OTUD1: variants seen among roughly 807,000 people sequenced by gnomAD.
The protein encoded by OTUD1 is OTU domain-containing protein 1.
A neutral mutation model predicts 30.0 loss-of-function variants in OTUD1; 15 were observed. The ratio of observed to expected loss-of-function variants is 0.50; its 90% CI spans 0.33 to 0.77. The LOEUF is 0.77. OTUD1 is among the 30% of genes least tolerant of loss of function. The pLI, the probability that OTUD1 is intolerant of heterozygous loss-of-function variation, is 0.02. For missense variants in OTUD1, 796 were observed against 697.8 expected (o/e 1.14, Z -1.59); for synonymous variants, 381 against 326.3 (o/e 1.17, Z -1.81).
Position 23,439,719 on chromosome 10 carries a change from CCCGCCT to C in OTUD1, c.268_273del (p.Ser90_Ala91del). ...CGAGGTGGTGTCCGGGGCCGCCGCG[CCCGCCT>C]CCGCCGCCGCCGGCCCGCCCGGCGC... On this transcript the variant is annotated inframe_deletion, in exon 1 of 1. Coordinates refer to ENST00000376495, the MANE Select transcript of OTUD1 (RefSeq NM_001145373.3). 8.5e-7 allele frequency: 1 copy of C among 1,182,372 alleles called. No homozygotes were observed. The highest frequency in any genetic ancestry group is 1.0e-6 in the Non-Finnish European group (1 of 960,018). The allele number at this position is 1,182,372 out of a possible 1,614,324, so 73.2% of individuals were successfully genotyped here.
At position 23,440,776 on chromosome 10, in the gene OTUD1, A is replaced by G. The variant is rs1228911232; in HGVS notation, c.1319A>G (p.Tyr440Cys). 11 of 1,552,062 alleles carry G rather than the reference A, an allele frequency of 7.1e-6. No individual in the cohort carries two copies. The highest frequency in any genetic ancestry group is 2.0e-5 in the Admixed American group (1 of 50,988). Reference sequence around the variant, plus strand: ...TATGATGCTGTATTTGATCACTCCTATCCTAACCCAGAGTACGACAACTGG... The same window carrying G: ...TATGATGCTGTATTTGATCACTCCTGTCCTAACCCAGAGTACGACAACTGG... ...GHYDAVFDHS[Y>C]PNPEYDNWCK... The change falls in exon 1 of 1, where the codon TAT becomes TGT. Residue 440 changes from tyrosine (Y) to cysteine (C), a missense_variant. Transcript: ENST00000376495.
rs574277402 is a variant in OTUD1, at chr10:23,442,317, A to T, written c.*1414A>T. 6.6e-5 allele frequency: 11 copies of T among 167,202 alleles called. No individual in the cohort carries two copies. The East Asian group carries it at 1.7e-3, about 26-fold the overall frequency. The allele number at this position is 167,202 out of a possible 1,614,324, so 10.4% of individuals were successfully genotyped here. A position where few individuals can be genotyped will look rare whatever the true frequency, so the allele number is the denominator to read the frequency against. On this transcript the variant is annotated 3_prime_UTR_variant, in exon 1 of 1. Coordinates refer to ENST00000376495, the MANE Select transcript of OTUD1 (RefSeq NM_001145373.3). ...TTTCCTAAATTATCACATGAAGAGGATAGGCTAATCATGAGTAATTTCAAA... is the reference window on the plus strand; with the variant it reads ...TTTCCTAAATTATCACATGAAGAGGTTAGGCTAATCATGAGTAATTTCAAA...
Position 23,440,766 on chromosome 10 carries a change from G to C in OTUD1, c.1309G>C (p.Asp437His), listed in dbSNP as rs1847118892. ...LSNGHYDAVF[D>H]HSYPNPEYDN... is the part of the protein sequence containing the mutation. ...TAACGGACACTATGATGCTGTATTT[G>C]ATCACTCCTATCCTAACCCAGAGTA... is the stretch of plus-strand genomic sequence containing the variant. The change falls in exon 1 of 1, where the codon GAT (aspartate) becomes CAT (histidine). Residue 437 changes from aspartate (D) to histidine (H), a missense_variant. Coordinates refer to ENST00000376495, the MANE Select transcript of OTUD1 (RefSeq NM_001145373.3). 6.4e-7 allele frequency: 1 copy of C among 1,552,004 alleles called. No homozygotes were observed. The highest frequency in any genetic ancestry group is 2.0e-5 in the Admixed American group (1 of 50,980).
In OTUD1 at chr10:23,439,834, T is replaced by C; in HGVS notation, c.377T>C (p.Leu126Pro). Residue 126 changes from leucine (L) to proline (P), a missense_variant, in exon 1 of 1, where the codon CTG (leucine) becomes CCG (proline). Transcript: ENST00000376495. ...GCCCTGGGCGCCGACAGGCTCCTGC[T>C]GCACGGGCCCGATCCCGTTCCCGGC... Reference protein sequence around the residue: ...VRALGADRLLLHGPDPVPGAA... With the variant: ...VRALGADRLLPHGPDPVPGAA... 1 of 1,120,314 alleles carries C rather than the reference T, an allele frequency of 8.9e-7. No individual in the cohort carries two copies. Among genetic ancestry groups the C allele is most frequent in the Non-Finnish European group, 1.1e-6 (1 of 920,162 alleles). The allele number at this position is 1,120,314 out of a possible 1,614,324, so 69.4% of individuals were successfully genotyped here.
In OTUD1 at chr10:23,439,587, GCCGCGC is replaced by G. The variant is rs1295306749; in HGVS notation, c.134_139del (p.Ala45_Pro46del). ...GCTGCAGCCCCCGGGAGCCGCCGGC[GCCGCGC>G]CCGAGCCCGAGACCGGTGAGTGCCA... is the stretch of plus-strand genomic sequence containing the variant. On this transcript the variant is annotated inframe_deletion, in exon 1 of 1. Transcript: ENST00000376495. 1 of 1,367,044 alleles carries G rather than the reference GCCGCGC, an allele frequency of 7.3e-7. No homozygotes were observed. The highest frequency in any genetic ancestry group is 1.5e-5 in the African/African-American group (1 of 65,176). The allele number at this position is 1,367,044 out of a possible 1,614,324, so 84.7% of individuals were successfully genotyped here. A position where few individuals can be genotyped will look rare whatever the true frequency, so the allele number is the denominator to read the frequency against.
At position 23,439,432 on chromosome 10, in the gene OTUD1, T is replaced by A; in HGVS notation, c.-26T>A. 1 of 1,259,704 alleles carries A rather than the reference T, an allele frequency of 7.9e-7. No individual in the cohort carries two copies. The highest frequency in any genetic ancestry group is 2.6e-5 in the South Asian group (1 of 38,702). 78.0% of individuals were successfully genotyped at this position (1,259,704 alleles called of 1,614,324 possible). On this transcript the variant is annotated 5_prime_UTR_variant, in exon 1 of 1. Transcript: ENST00000376495. ...CCCGCTCCGGGGCTCGCCGCGCCTA[T>A]AAGGGGCCGAGCGGCGGGCAGGGAC...
chr10:23,439,971 C>T lies in OTUD1; in HGVS notation c.514C>T (p.Leu172=). 2 of 1,304,122 alleles carry T rather than the reference C, an allele frequency of 1.5e-6. No homozygotes were observed. Among genetic ancestry groups the T allele is most frequent in the Non-Finnish European group, 1.9e-6 (2 of 1,031,428 alleles). The allele number at this position is 1,304,122 out of a possible 1,614,324, so 80.8% of individuals were successfully genotyped here. The change falls in exon 1 of 1, where the codon CTG becomes TTG. Residue 172 remains leucine (L), a synonymous_variant. Transcript: ENST00000376495. ...CTCGGCCTGGCTCCTGGAGGAGCTG[C>T]TGCGGCCCGACTGCCCCGAGCCCGC... is the stretch of plus-strand genomic sequence containing the variant. ...GSSAWLLEEL[L]RPDCPEPAGL... is the part of the protein sequence containing the mutation.
Position 23,440,941 on chromosome 10 carries a change from A to C in OTUD1, c.*38A>C. On this transcript the variant is annotated 3_prime_UTR_variant, in exon 1 of 1. Coordinates refer to ENST00000376495, the MANE Select transcript of OTUD1 (RefSeq NM_001145373.3). ...CCTTACACCCTGGGAATAATTGCAT[A>C]TATAACTTGTGTTTGGAGAATCACA... 1 of 1,514,082 alleles carries C rather than the reference A, an allele frequency of 6.6e-7. No individual in the cohort carries two copies. Among genetic ancestry groups the C allele is most frequent in the South Asian group, 1.3e-5 (1 of 77,148 alleles). The allele number at this position is 1,514,082 out of a possible 1,614,324, so 93.8% of individuals were successfully genotyped here.
chr10:23,440,795 C>T lies in OTUD1; in HGVS notation c.1338C>T (p.Asp446=), dbSNP rs1330769952. 1 of 1,552,072 alleles carries T rather than the reference C, an allele frequency of 6.4e-7. No homozygotes were observed. Among genetic ancestry groups the T allele is most frequent in the African/African-American group, 1.4e-5 (1 of 73,044 alleles). Residue 446 remains aspartate (D), a synonymous_variant, in exon 1 of 1, where the codon GAC becomes GAT. Transcript: ENST00000376495. Reference sequence around the variant, plus strand: ...ACTCCTATCCTAACCCAGAGTACGACAACTGGTGCAAACAAACTCAAGTGC... The same window carrying T: ...ACTCCTATCCTAACCCAGAGTACGATAACTGGTGCAAACAAACTCAAGTGC... The part of the protein sequence containing the change: ...FDHSYPNPEY[D]NWCKQTQVQR...
Position 23,439,841 on chromosome 10 carries a change from G to GCCCGAT in OTUD1, c.389_394dup (p.Asp130_Pro131dup), listed in dbSNP as rs1047534074. On this transcript the variant is annotated inframe_insertion, in exon 1 of 1. Transcript: ENST00000376495. ...GCGCCGACAGGCTCCTGCTGCACGG[G>GCCCGAT]CCCGATCCCGTTCCCGGCGCCGCGG... 7.1e-6 allele frequency: 8 copies of GCCCGAT among 1,123,002 alleles called. No individual in the cohort carries two copies. Among genetic ancestry groups the GCCCGAT allele is most frequent in the Non-Finnish European group, 8.7e-6 (8 of 920,138 alleles). 69.6% of individuals were successfully genotyped at this position (1,123,002 alleles called of 1,614,324 possible).
rs906956500 is a variant in OTUD1, at chr10:23,439,339, C to T, written c.-119C>T. ...CGGCGGCCGGCTGCCTTTCGCTCAT[C>T]TCTATTCTGGGGCCGTTGGGTCACC... On this transcript the variant is annotated 5_prime_UTR_variant, in exon 1 of 1. Transcript: ENST00000376495. 1.5e-5 allele frequency: 14 copies of T among 928,760 alleles called. No homozygotes were observed. The highest frequency in any genetic ancestry group is 7.5e-5 in the East Asian group (2 of 26,652). 57.5% of individuals were successfully genotyped at this position (928,760 alleles called of 1,614,324 possible).
chr10:23,442,211 T>G lies in OTUD1; in HGVS notation c.*1308T>G, dbSNP rs72771419. The G allele has an allele frequency of 6.0e-6, 1 of 167,104 alleles. No homozygotes were observed. Among genetic ancestry groups the G allele is most frequent in the Non-Finnish European group, 1.5e-5 (1 of 68,126 alleles). The allele number at this position is 167,104 out of a possible 1,614,324, so 10.4% of individuals were successfully genotyped here. A position where few individuals can be genotyped will look rare whatever the true frequency, so the allele number is the denominator to read the frequency against. On this transcript the variant is annotated 3_prime_UTR_variant, in exon 1 of 1. Coordinates refer to ENST00000376495, the MANE Select transcript of OTUD1 (RefSeq NM_001145373.3). ...TTTGGATAGAGTGGTTTTTAAATTG[T>G]GATGTTTGTAGGAAACTTTCTTGCA...
rs1564551884 is a variant in OTUD1 at position 23,441,721 on chromosome 10, AT to A, written c.*821del. 6.0e-6 allele frequency: 1 copy of A among 166,914 alleles called. No individual in the cohort carries two copies. Among genetic ancestry groups the A allele is most frequent in the Non-Finnish European group, 1.5e-5 (1 of 68,092 alleles). The allele number at this position is 166,914 out of a possible 1,614,324, so 10.3% of individuals were successfully genotyped here. Reference sequence around the variant, plus strand: ...TTGTCTGGTGCTCTCAGTTGTTTTTATTTACATTTGTCACGTTGTTGTAAGA... The same window carrying A: ...TTGTCTGGTGCTCTCAGTTGTTTTTATTACATTTGTCACGTTGTTGTAAGA... On this transcript the variant is annotated 3_prime_UTR_variant, in exon 1 of 1. Coordinates refer to ENST00000376495, the MANE Select transcript of OTUD1 (RefSeq NM_001145373.3).
Position 23,441,035 on chromosome 10 carries a change from A to G in OTUD1, c.*132A>G. 1 of 988,058 alleles carries G rather than the reference A, an allele frequency of 1.0e-6. No individual in the cohort carries two copies. Among genetic ancestry groups the G allele is most frequent in the Non-Finnish European group, 1.5e-6 (1 of 680,600 alleles). The allele number at this position is 988,058 out of a possible 1,614,324, so 61.2% of individuals were successfully genotyped here. On this transcript the variant is annotated 3_prime_UTR_variant, in exon 1 of 1. Coordinates refer to ENST00000376495, the MANE Select transcript of OTUD1 (RefSeq NM_001145373.3). Reference sequence around the variant, plus strand: ...ATTTTACTGTAGGTGTAATGCCTTAATCATCTTTTTGAATGTTTTCTCAGA... The same window carrying G: ...ATTTTACTGTAGGTGTAATGCCTTAGTCATCTTTTTGAATGTTTTCTCAGA...
In OTUD1 at chr10:23,440,845, C is replaced by G; in HGVS notation, c.1388C>G (p.Ala463Gly). Residue 463 changes from alanine (A) to glycine (G), a missense_variant, in exon 1 of 1, where the codon GCC becomes GGC. Transcript: ENST00000376495. The part of the protein sequence containing the change: ...QVQRKRDEEL[A>G]KSMAISLSKM... ...CAAAGGAAACGCGACGAAGAACTTG[C>G]CAAATCTATGGCCATATCCTTGTCT... 1 of 1,551,956 alleles carries G rather than the reference C, an allele frequency of 6.4e-7. No individual in the cohort carries two copies. The highest frequency in any genetic ancestry group is 1.2e-5 in the South Asian group (1 of 84,058).
Position 23,440,460 on chromosome 10 carries a change from C to G in OTUD1, c.1003C>G (p.Leu335Val), listed in dbSNP as rs776033932. Reference protein sequence around the residue: ...VSKTVYGDQSLHRELREQTVH... With the variant: ...VSKTVYGDQSVHRELREQTVH... Reference sequence around the variant, plus strand: ...CAAGACGGTGTATGGGGACCAGAGCCTGCACCGGGAGTTGAGGGAGCAGAC... The same window carrying G: ...CAAGACGGTGTATGGGGACCAGAGCGTGCACCGGGAGTTGAGGGAGCAGAC... Residue 335 changes from leucine (L) to valine (V), a missense_variant, in exon 1 of 1, where the codon CTG (leucine) becomes GTG (valine). Physicochemically the swap from Leu to Val is conservative, Grantham distance 32. Transcript: ENST00000376495. 7.1e-6 allele frequency: 11 copies of G among 1,551,740 alleles called. No homozygotes were observed. The South Asian group carries it at 9.5e-5, about 13-fold the overall frequency.
rs900178141 is a variant in OTUD1 at position 23,440,005 on chromosome 10, A to G, written c.548A>G (p.Asp183Gly). Residue 183 changes from aspartate to glycine, a missense_variant, in exon 1 of 1, where the codon GAC becomes GGC. Physicochemically the swap from Asp to Gly is moderately conservative, Grantham distance 94. Coordinates refer to ENST00000376495, the MANE Select transcript of OTUD1 (RefSeq NM_001145373.3). Reference sequence around the variant, plus strand: ...GACTGCCCCGAGCCCGCGGGCTTGGACGCGACACGGGAGGGGCCCGATCGG... The same window carrying G: ...GACTGCCCCGAGCCCGCGGGCTTGGGCGCGACACGGGAGGGGCCCGATCGG... ...RPDCPEPAGL[D>G]ATREGPDRNF... The G allele has an allele frequency of 1.4e-6, 2 of 1,409,464 alleles. No homozygotes were observed. Among genetic ancestry groups the G allele is most frequent in the South Asian group, 1.5e-5 (1 of 66,854 alleles). The allele number at this position is 1,409,464 out of a possible 1,614,324, so 87.3% of individuals were successfully genotyped here. A position where few individuals can be genotyped will look rare whatever the true frequency, so the allele number is the denominator to read the frequency against.
chr10:23,439,934 G>A lies in OTUD1; in HGVS notation c.477G>A (p.Pro159=). 20 of 1,224,692 alleles carry A rather than the reference G, an allele frequency of 1.6e-5. No individual in the cohort carries two copies. The highest frequency in any genetic ancestry group is 1.8e-5 in the Non-Finnish European group (18 of 985,332). 75.9% of individuals were successfully genotyped at this position (1,224,692 alleles called of 1,614,324 possible). The change falls in exon 1 of 1, where the codon CCG becomes CCA. Residue 159 remains proline, a synonymous_variant. Transcript: ENST00000376495. ...LAPAPAAPVP[P]RRGSSAWLLE... ...CGGCGCCCGCAGCCCCGGTCCCGCC[G>A]CGGCGGGGCTCCTCGGCCTGGCTCC...
chr10:23,439,451 C>T lies in OTUD1; in HGVS notation c.-7C>T, dbSNP rs993217601. Reference sequence around the variant, plus strand: ...CGCCTATAAGGGGCCGAGCGGCGGGCAGGGACATGCAGCTCTACAGCAGCG... The same window carrying T: ...CGCCTATAAGGGGCCGAGCGGCGGGTAGGGACATGCAGCTCTACAGCAGCG... On this transcript the variant is annotated 5_prime_UTR_variant, in exon 1 of 1. Transcript: ENST00000376495. 7.7e-7 allele frequency: 1 copy of T among 1,291,132 alleles called. No homozygotes were observed. The allele number at this position is 1,291,132 out of a possible 1,614,324, so 80.0% of individuals were successfully genotyped here.
Sources: allele counts gnomAD v4.1 joint callset, GRCh38; gene constraint gnomAD v4.1.1; transcripts MANE v1.5; gene names NCBI Gene and HGNC (gene_info 2026-07-23, HGNC 2026-07-21).